Variants in DPP10 observed in about 807,000 individuals in gnomAD.
DPP10 encodes the protein inactive dipeptidyl peptidase 10.
Under a neutral mutation model 120.9 loss-of-function variants are expected in DPP10, and 33 were observed. The observed-to-expected ratio is 0.27, with a 90% CI of 0.21 to 0.37. The LOEUF (loss-of-function observed/expected upper bound fraction) is 0.37. Ranked by LOEUF, DPP10 falls within the 10% of genes least tolerant of loss-of-function variation. DPP10 has a pLI of 1.00. For missense variants in DPP10, 816 were observed against 942.8 expected (o/e 0.87, Z 1.76); for synonymous variants, 337 against 326.1 (o/e 1.03, Z -0.36).
chr2:114,992,977 A>T (rs1700836687), intron 1 of DPP10, among the ~76,000 whole-genome samples: 1 of 152,116 alleles, frequency 6.6e-6, no homozygotes, highest in Non-Finnish European at 1.5e-5. Context: ...GATTTTCCTC[A>T]TGGTCACTAT....
At chr2:115,695,073 C>A (rs1205412188) in intron 7 of DPP10, among the ~76,000 whole-genome samples, 4 of 152,256 alleles carry the variant, frequency 2.6e-5, no homozygotes, top group Non-Finnish European at 2.9e-5. Flanking sequence ...AGGCCAGTGC[C>A]CTTTCCTACT....
chr2:114,991,881 C>T (rs991004909), intron 1 of DPP10, among the ~76,000 whole-genome samples: 14 of 152,076 alleles, frequency 9.2e-5, no homozygotes, highest in African/African-American at 3.4e-4. Context: ...CCAGGCAAGT[C>T]CACAGATGGA....
chr2:114,872,884 A>C (rs905597810), intron 1 of DPP10, among the ~76,000 whole-genome samples: 14 of 152,212 alleles, frequency 9.2e-5, no homozygotes, highest in African/African-American at 3.1e-4. Flanking sequence ...TACATAAATT[A>C]CACGTTCATT....
chr2:115,399,637 G>A (rs2067920698), intron 3 of DPP10, among the ~76,000 whole-genome samples: 1 of 152,036 alleles, frequency 6.6e-6, no homozygotes, highest in South Asian at 2.1e-4. Flanking sequence ...GATGGACTTT[G>A]TAATATATTA....
chr2:115,016,664 A>G (rs1163728237), intron 1 of DPP10, among the ~76,000 whole-genome samples: 1 of 152,132 alleles, frequency 6.6e-6, no homozygotes, highest in Admixed American at 6.5e-5. Context: ...ACAAGAAAAA[A>G]AAAACAACCC....
At chr2:114,480,452 G>A (rs111848622) in intron 1 of DPP10, among the ~76,000 whole-genome samples, 8,885 of 151,904 alleles carry the variant, frequency 0.058, 807 homozygotes, top group African/African-American at 0.2. Flanking sequence ...ACTTGGAACC[G>A]ACCCAAATGT....
intron 5 of DPP10, among the ~76,000 whole-genome samples, chr2:115,593,319 T>C (rs547623551): frequency 6.6e-6 from 1 of 152,326 alleles, no homozygotes; most frequent in African/African-American, 2.4e-5. Flanking sequence ...CTAGCTTTTC[T>C]AGAGTTTCTA....
chr2:114,879,995 A>T (rs1034363416), intron 1 of DPP10, among the ~76,000 whole-genome samples: 8 of 152,182 alleles, frequency 5.3e-5, no homozygotes, highest in Non-Finnish European at 1.2e-4. Context: ...TTTAGATGAC[A>T]AATGCTACCA....
intron 1 of DPP10, among the ~76,000 whole-genome samples, chr2:114,585,906 T>C (rs544005461): frequency 6.6e-6 from 1 of 152,320 alleles, no homozygotes; most frequent in Non-Finnish European, 1.5e-5. Flanking sequence ...AAATTGAGAA[T>C]GATGTGACTT....
chr2:115,234,014 C>T (rs772958340), intron 1 of DPP10: 1 of 505,240 alleles, frequency 2.0e-6, no homozygotes, highest in Non-Finnish European at 3.9e-6. Context: ...GGGGGAAATG[C>T]TTTTCAAGGT....
intron 1 of DPP10, among the ~76,000 whole-genome samples, chr2:114,609,754 A>G (rs1288425571): frequency 6.6e-6 from 1 of 152,156 alleles, no homozygotes; most frequent in Non-Finnish European, 1.5e-5. Flanking sequence ...ACTTTCAGAG[A>G]ATGACCTACT....
intron 3 of DPP10, among the ~76,000 whole-genome samples, chr2:115,441,774 T>C (rs963042314): frequency 1.3e-5 from 2 of 152,000 alleles, no homozygotes; most frequent in African/African-American, 4.8e-5. Flanking sequence ...TTTAAATTTT[T>C]TTGTCAGACC....
chr2:115,102,788 A>G (rs1185069096), intron 1 of DPP10, among the ~76,000 whole-genome samples: 1 of 150,810 alleles, frequency 6.6e-6, no homozygotes, highest in Non-Finnish European at 1.5e-5. Flanking sequence ...TCCTTTTTGC[A>G]GCCGCAGCCA....
chr2:115,545,283 TTAAATTATTAAA>T (rs2079429002), intron 5 of DPP10, among the ~76,000 whole-genome samples: 1 of 152,180 alleles, frequency 6.6e-6, no homozygotes, highest in Non-Finnish European at 1.5e-5. Flanking sequence ...TCATTCATTT[TTAAATTATTAAA>T]TATGAGGAAA....
chr2:115,366,563 A>G (rs191094561), intron 3 of DPP10, among the ~76,000 whole-genome samples: 6 of 152,236 alleles, frequency 3.9e-5, no homozygotes, highest in African/African-American at 9.6e-5. Context: ...AAGTAGATCA[A>G]TATCAGTTAA....
chr2:115,636,346 A>G (rs775055325), intron 5 of DPP10, among the ~76,000 whole-genome samples: 32 of 152,336 alleles, frequency 2.1e-4, no homozygotes, highest in Non-Finnish European at 4.1e-4. Context: ...GTTGCATGAC[A>G]GACCGAAAAG....
rs887442816 is a variant in DPP10, at chr2:114,775,038, C to T, written c.60+332200C>T. On this transcript the variant is annotated intron_variant, in intron 1 of 25. Coordinates refer to ENST00000410059, the MANE Select transcript of DPP10 (RefSeq NM_020868.6). ...CTAAGATAACCCAACCAGTAAGTGG[C>T]AGAGATGGAATTTGACCTCAGCCAA... Among the ~76,000 whole-genome samples, 27 of 152,016 alleles carry T rather than the reference C, an allele frequency of 1.8e-4. 1 individual carries two copies. The highest frequency in any genetic ancestry group is 1.6e-3 in the Admixed American group (24 of 15,258).
intron 5 of DPP10, among the ~76,000 whole-genome samples, chr2:115,634,893 G>A (rs962430820): frequency 6.6e-6 from 1 of 151,394 alleles, no homozygotes; most frequent in African/African-American, 2.4e-5. Flanking sequence ...TTAGAGTTCT[G>A]TTGCTAAAAC....
At chr2:114,948,414 T>C (rs1338453872) in intron 1 of DPP10, among the ~76,000 whole-genome samples, 1 of 152,206 alleles carries the variant, frequency 6.6e-6, no homozygotes, top group Non-Finnish European at 1.5e-5. Flanking sequence ...ATATAGTTTG[T>C]CTTAAAAATC....
Sources: allele counts gnomAD v4.1 joint callset (sites outside exome capture counted in the v4.1 genomes callset), GRCh38; gene constraint gnomAD v4.1.1; transcripts MANE v1.5; gene names NCBI Gene and HGNC (gene_info 2026-07-23, HGNC 2026-07-21).